Variants in UTRN observed in about 807,000 individuals in gnomAD.
UTRN encodes the protein utrophin, also known as dystrophin-related protein 1.
In UTRN, 283 loss-of-function variants were observed where a neutral mutation model predicts 463.9. The observed-to-expected ratio is 0.61, with a 90% confidence interval of 0.55 to 0.67. The LOEUF is 0.67. UTRN is among the 30% of genes least tolerant of loss of function. The probability of loss-of-function intolerance (pLI) is 0.00; values close to 1 mark genes in which losing one functional copy is unlikely to be tolerated. For synonymous variants in UTRN, 1,442 were observed against 1,431.5 expected (o/e 1.01, Z -0.17); for missense variants, 3,922 against 4,084.3 (o/e 0.96, Z 1.08).
chr6:144,689,516 C>T (rs1403295381), intron 52 of UTRN, among the ~76,000 whole-genome samples: 1 of 152,196 alleles, frequency 6.6e-6, no homozygotes, highest in Non-Finnish European at 1.5e-5. Flanking sequence ...CCTCTTTCCC[C>T]TAGGAGGAGG....
intron 19 of UTRN, among the ~76,000 whole-genome samples, chr6:144,454,205 G>A (rs1311895548): frequency 6.6e-6 from 1 of 152,098 alleles, no homozygotes; most frequent in African/African-American, 2.4e-5. Flanking sequence ...CAGGGTGGTA[G>A]CAAAAGAAAA....
intron 53 of UTRN, among the ~76,000 whole-genome samples, chr6:144,711,327 A>G (rs143962643): frequency 7.2e-4 from 109 of 151,904 alleles, no homozygotes; most frequent in Non-Finnish European, 1.2e-3. Context: ...AAACAAACAA[A>G]CAAACAAAAA....
chr6:144,585,989 T>A (rs939694931), intron 51 of UTRN, among the ~76,000 whole-genome samples: 5 of 152,266 alleles, frequency 3.3e-5, no homozygotes, highest in African/African-American at 1.2e-4. Flanking sequence ...AAATTCAGTG[T>A]CTGAATATTT....
intron 2 of UTRN, chr6:144,344,324 C>T (rs1437816802): frequency 9.2e-6 from 12 of 1,303,842 alleles, no homozygotes; most frequent in South Asian, 7.4e-5. Flanking sequence ...TCAACTTGCA[C>T]GACTCCCAGC....
intron 62 of UTRN, among the ~76,000 whole-genome samples, chr6:144,791,698 C>T (rs1161398953): frequency 6.6e-6 from 1 of 152,134 alleles, no homozygotes; most frequent in African/African-American, 2.4e-5. Context: ...TTTACCCTGA[C>T]ACTGCTTTTT....
chr6:144,407,950 C>T (rs1229730707), intron 3 of UTRN, among the ~76,000 whole-genome samples: 2 of 152,160 alleles, frequency 1.3e-5, no homozygotes, highest in Non-Finnish European at 2.9e-5. Context: ...ACACTTATTT[C>T]TGGATATCCT....
chr6:144,545,666 C>A (rs1234642527), intron 46 of UTRN, among the ~76,000 whole-genome samples: 2 of 152,190 alleles, frequency 1.3e-5, no homozygotes, highest in Non-Finnish European at 2.9e-5. Flanking sequence ...CTCAGATACA[C>A]CCTGTCTCTG....
At chr6:144,551,136 GACACACACAC>G (rs5880596) in intron 48 of UTRN, 54 bp downstream of exon 48, 27 of 635,248 alleles carry the variant, frequency 4.3e-5, no homozygotes, top group African/African-American at 1.0e-4. Flanking sequence ...TGCAAATGGT[GACACACACAC>G]ACACACACAC....
At chr6:144,517,755 T>G (rs1207709862) in intron 39 of UTRN, among the ~76,000 whole-genome samples, 1 of 152,222 alleles carries the variant, frequency 6.6e-6, no homozygotes, top group Non-Finnish European at 1.5e-5. Flanking sequence ...AGTTTTAGCC[T>G]AGGAGCAATT....
intron 41 of UTRN, 105 bp downstream of exon 41, chr6:144,523,293 T>A (rs1796271472): frequency 5.5e-6 from 5 of 915,284 alleles, no homozygotes; most frequent in Non-Finnish European, 7.5e-6. Context: ...ATGTTTCATA[T>A]CCTTGTAGGA....
intron 50 of UTRN, 38 bp downstream of exon 50, chr6:144,557,349 A>G: frequency 6.3e-7 from 1 of 1,578,580 alleles, no homozygotes; most frequent in Non-Finnish European, 8.6e-7. Flanking sequence ...GTATATTGTC[A>G]AGTTGAGAAT....
chr6:144,603,643 G>A (rs776654080), intron 51 of UTRN, among the ~76,000 whole-genome samples: 3 of 151,864 alleles, frequency 2.0e-5, no homozygotes, highest in Non-Finnish European at 4.4e-5. Context: ...GAAGTAATGA[G>A]GTATATTTTT....
At chr6:144,797,695 A>C (rs1777350148) in intron 63 of UTRN, 129 bp from the exon 64 acceptor site, 1 of 916,094 alleles carries the variant, frequency 1.1e-6, no homozygotes. Flanking sequence ...ATTGTGACTT[A>C]ACTGACATGG....
rs546353999 is a variant in UTRN, at chr6:144,411,188, C to T, written c.141+8004C>T. On this transcript the variant is annotated intron_variant, in intron 3 of 74. Transcript: ENST00000367545. ...TTGTACTAGTTTACATTTCCAGCAG[C>T]GTTCCCTTTTCACTGCATCCTCGCC... is the stretch of plus-strand genomic sequence containing the variant. Among the ~76,000 whole-genome samples, 8 of 152,236 alleles carry T rather than the reference C, an allele frequency of 5.3e-5. No individual in the cohort carries two copies. In the South Asian group the frequency reaches 1.0e-3, roughly 20 times the overall value.
intron 66 of UTRN, among the ~76,000 whole-genome samples, chr6:144,824,419 TAC>T (rs377412674): frequency 8.8e-5 from 5 of 56,674 alleles, no homozygotes; most frequent in African/African-American, 2.9e-4. Flanking sequence ...TATATATATA[TAC>T]ACACACACAC....
At chr6:144,834,056 T>G (rs1206734565) in intron 69 of UTRN, among the ~76,000 whole-genome samples, 1 of 152,182 alleles carries the variant, frequency 6.6e-6, no homozygotes, top group Non-Finnish European at 1.5e-5. Context: ...TTCATTCATT[T>G]CCCAGTGATG....
chr6:144,542,539 A>C (rs1225530109), intron 45 of UTRN, among the ~76,000 whole-genome samples: 2 of 152,094 alleles, frequency 1.3e-5, no homozygotes, highest in Non-Finnish European at 2.9e-5. Flanking sequence ...AATTCAAGGG[A>C]GGGGGAGTGG....
At chr6:144,562,617 G>C (rs1800040227) in intron 50 of UTRN, among the ~76,000 whole-genome samples, 2 of 152,048 alleles carry the variant, frequency 1.3e-5, no homozygotes, top group South Asian at 4.2e-4. Context: ...ATAGGTATTT[G>C]GGTTGATTCC....
chr6:144,423,427 A>T (rs1423228238), intron 4 of UTRN, 122 bp from the exon 5 acceptor site: 1 of 925,172 alleles, frequency 1.1e-6, no homozygotes, highest in East Asian at 2.6e-5. Context: ...CCTCAGCCAG[A>T]TCTCCTGCCT....
Sources: gnomAD v4.1 joint callset for allele counts (sites outside exome capture counted in the v4.1 genomes callset) on GRCh38, gnomAD v4.1.1 for gene constraint, MANE v1.5 for transcripts, NCBI Gene and HGNC (gene_info 2026-07-23, HGNC 2026-07-21) for gene names.